The following LYST variants were observed in gnomAD, a reference collection of about 807,000 sequenced individuals.
The protein encoded by LYST is lysosomal trafficking regulator, also known as lysosomal-trafficking regulator.
In LYST, 192 loss-of-function variants were observed where a neutral mutation model predicts 413.6. The observed-to-expected ratio is 0.46, with a 90% confidence interval of 0.41 to 0.52. LYST has a LOEUF of 0.52. Among genes scored for constraint, LYST ranks in the 20% least tolerant of loss-of-function variants. The pLI is 0.00. For synonymous variants in LYST, 1,525 were observed against 1,567.3 expected, an observed-to-expected ratio of 0.97 and a Z score of 0.64; for missense variants, 3,815 against 4,499.9, an observed-to-expected ratio of 0.85 and a Z score of 4.35.
chr1:235,809,559 G>C lies in LYST; in HGVS notation c.1259C>G (p.Ala420Gly). The stretch of plus-strand genomic sequence containing the variant: ...TTGACTGAAGTAGAAGGGATTTGAA[G>C]CTGCACTTTGAAGACAACAGATCAG... ...QILICCLQSA[A>G]SNPFYFSQAM... is the part of the protein sequence containing the mutation. The change falls in exon 5 of 53, where the codon GCT becomes GGT. Residue 420 changes from alanine to glycine, a missense_variant. By Grantham distance (60) the Ala-to-Gly change is moderately conservative. Transcript: ENST00000389793. This position sits in a 1 kb window ranked among gnomAD's most constrained non-coding sequence, Gnocchi z 4.0. The C allele has an allele frequency of 4.3e-6, 7 of 1,614,056 alleles. No homozygotes were observed. Among genetic ancestry groups the C allele is most frequent in the Non-Finnish European group, 5.9e-6 (7 of 1,179,968 alleles).
chr1:235,775,033 T>C lies in LYST; in HGVS notation c.5514A>G (p.Ile1838Met). 5 of 1,611,850 alleles carry C rather than the reference T, an allele frequency of 3.1e-6. No individual in the cohort carries two copies. The highest frequency in any genetic ancestry group is 4.2e-6 in the Non-Finnish European group (5 of 1,179,120). The change falls in exon 18 of 53, where the codon ATA becomes ATG. Residue 1838 changes from isoleucine to methionine, a missense_variant. By Grantham distance (10) the Ile-to-Met change is conservative. Coordinates refer to ENST00000389793, the MANE Select transcript of LYST (RefSeq NM_000081.4). ...GTTGGTTGTATTTAATTAATGAGAG[T>C]ATAACTCGCAGTGCTAATGCTTGAG... ...EETQALALRV[I>M]LSLIKYNQQR...
chr1:235,869,059 C>T (rs1036242214), upstream of LYST, among the ~76,000 whole-genome samples: 3 of 151,886 alleles, frequency 2.0e-5, no homozygotes, highest in African/African-American at 4.8e-5. Flanking sequence ...CTTAGAACAT[C>T]GATACTAAAT....
chr1:235,857,015 G>A (rs1052994337), intron 1 of LYST, among the ~76,000 whole-genome samples: 19 of 146,708 alleles, frequency 1.3e-4, no homozygotes, highest in African/African-American at 4.3e-4. Context: ...GTGCGATCTC[G>A]GCTCACTGCA....
intron 1 of LYST, among the ~76,000 whole-genome samples, chr1:235,873,046 A>T (rs1246040241): frequency 6.6e-6 from 1 of 152,176 alleles, no homozygotes; most frequent in Non-Finnish European, 1.5e-5. Context: ...GGAGAAAGAG[A>T]AGCAGGAGAA....
chr1:235,842,083 T>C (rs529149075), intron 1 of LYST, among the ~76,000 whole-genome samples: 111 of 152,170 alleles, frequency 7.3e-4, no homozygotes, highest in Admixed American at 1.8e-3. Flanking sequence ...TAATAGACAG[T>C]GCAGACTGTT....
chr1:235,788,816 T>G lies in LYST; in HGVS notation c.4573A>C (p.Ile1525Leu). The G allele has an allele frequency of 6.2e-7, 1 of 1,613,860 alleles. No homozygotes were observed. Among genetic ancestry groups the G allele is most frequent in the Admixed American group, 1.7e-5 (1 of 60,014 alleles). The change falls in exon 13 of 53, where the codon ATA becomes CTA. Residue 1525 changes from isoleucine (I) to leucine (L), a missense_variant. Coordinates refer to ENST00000389793, the MANE Select transcript of LYST (RefSeq NM_000081.4). ...ESDRPEGAEY[I>L]NPGERLIEEG... Reference sequence around the variant, plus strand: ...TCTATGAGTCTTTCACCAGGATTTATGTACTCTGCACCTTCTGGTCTGTCG... The same window carrying G: ...TCTATGAGTCTTTCACCAGGATTTAGGTACTCTGCACCTTCTGGTCTGTCG...
chr1:235,823,617 C>T (rs1323031387), intron 3 of LYST, among the ~76,000 whole-genome samples: 4 of 152,242 alleles, frequency 2.6e-5, no homozygotes, highest in African/African-American at 7.2e-5. Context: ...AGCCAATCCC[C>T]GTTTTACCAA....
intron 48 of LYST, among the ~76,000 whole-genome samples, chr1:235,681,585 C>T (rs1385731546): frequency 1.3e-5 from 2 of 152,068 alleles, no homozygotes; most frequent in Non-Finnish European, 2.9e-5. Context: ...GGGACCCAGG[C>T]AGGATGCAAA....
intron 50 of LYST, among the ~76,000 whole-genome samples, chr1:235,671,720 T>G (rs1453556382): frequency 1.3e-5 from 2 of 151,950 alleles, no homozygotes; most frequent in East Asian, 3.9e-4. Flanking sequence ...GCATAGTGAT[T>G]AAGAGAGAAG....
chr1:235,705,735 T>C (rs1456286752), intron 44 of LYST, among the ~76,000 whole-genome samples: 1 of 150,574 alleles, frequency 6.6e-6, no homozygotes, highest in African/African-American at 2.5e-5. Flanking sequence ...GAAAAGATGG[T>C]TCAGGATTAT....
chr1:235,841,608 CAG>C (rs1238855985), intron 1 of LYST, among the ~76,000 whole-genome samples: 1 of 152,092 alleles, frequency 6.6e-6, no homozygotes, highest in Non-Finnish European at 1.5e-5. Context: ...ATACTGAAGA[CAG>C]GGGCAAGAGA....
intron 12 of LYST, among the ~76,000 whole-genome samples, chr1:235,789,533 T>C (rs890353952): frequency 2.0e-5 from 3 of 152,182 alleles, no homozygotes; most frequent in Non-Finnish European, 4.4e-5. Flanking sequence ...TGTGACTTTA[T>C]GTAAAGCTAT....
chr1:235,784,569 C>T (rs1670217179), intron 14 of LYST, among the ~76,000 whole-genome samples: 1 of 152,134 alleles, frequency 6.6e-6, no homozygotes, highest in Admixed American at 6.5e-5. Flanking sequence ...TTCAGCTCTA[C>T]CCCTTACTTG....
rs1439439481 is a variant in LYST at position 235,755,558 on chromosome 1, C to T, written c.7149G>A (p.Leu2383=). The change falls in exon 25 of 53, where the codon TTG becomes TTA. Residue 2383 remains leucine (L), a synonymous_variant. Transcript: ENST00000389793. ...NRGFSLLANQ[L]YLHRGTQELL... ...ATTCTTGAGTTCCTCGATGAAGATA[C>T]AACTGGTTGGCTAGCAAGGAAAATC... 13 of 1,613,160 alleles carry T rather than the reference C, an allele frequency of 8.1e-6. No homozygotes were observed. Among genetic ancestry groups the T allele is most frequent in the Admixed American group, 1.7e-5 (1 of 60,014 alleles).
At chr1:235,696,567 A>G (rs1274028055) in intron 46 of LYST, among the ~76,000 whole-genome samples, 1 of 152,240 alleles carries the variant, frequency 6.6e-6, no homozygotes, top group Non-Finnish European at 1.5e-5. Context: ...TCTAGTTGAC[A>G]TTTAGAAACA....
intron 45 of LYST, among the ~76,000 whole-genome samples, chr1:235,699,503 T>C (rs898025947): frequency 6.6e-6 from 1 of 152,228 alleles, no homozygotes; most frequent in Non-Finnish European, 1.5e-5. Flanking sequence ...GTTGGTTCCA[T>C]GTCTTTGCTA....
intron 12 of LYST, among the ~76,000 whole-genome samples, chr1:235,789,888 T>C (rs1558247937): frequency 6.6e-6 from 1 of 152,176 alleles, no homozygotes; most frequent in Non-Finnish European, 1.5e-5. Context: ...ATTACAAATA[T>C]TTAACTTAAT....
rs1303571339 is a variant in LYST at position 235,734,620 on chromosome 1, G to A, written c.8398C>T (p.His2800Tyr). 1.2e-6 allele frequency: 2 copies of A among 1,612,256 alleles called. No homozygotes were observed. Among genetic ancestry groups the A allele is most frequent in the Non-Finnish European group, 8.5e-7 (1 of 1,178,716 alleles). ...TCAGTCAATTCACCTTGGTGATTAT[G>A]TATCAACTCTGACAAATACAAAACT... ...KLVLYLSELI[H>Y]NHQGELTEEE... The change falls in exon 32 of 53, where the codon CAT becomes TAT. Residue 2800 changes from histidine (H) to tyrosine (Y), a missense_variant. Transcript: ENST00000389793.
Position 235,787,220 on chromosome 1 carries a change from G to C in LYST, c.4842C>G (p.Ser1614=). 6.2e-7 allele frequency: 1 copy of C among 1,613,610 alleles called. No individual in the cohort carries two copies. Among genetic ancestry groups the C allele is most frequent in the Non-Finnish European group, 8.5e-7 (1 of 1,179,650 alleles). ...CCTACCTCTGTCCAGAGACCCATAT[G>C]GAGATTTTCCCATGAATCCTCCTTT... ...QGKRRIHGKI[S]IWVSGQRKPD... The change falls in exon 14 of 53, where the codon TCC becomes TCG. Residue 1614 remains serine (S), a synonymous_variant. Coordinates refer to ENST00000389793, the MANE Select transcript of LYST (RefSeq NM_000081.4).
Sources: gnomAD v4.1 joint callset for allele counts (sites outside exome capture counted in the v4.1 genomes callset) on GRCh38, gnomAD v4.1.1 for gene constraint, Gnocchi (gnomAD v3.1) non-coding constraint, MANE v1.5 for transcripts, NCBI Gene and HGNC (gene_info 2026-07-23, HGNC 2026-07-21) for gene names.